Variants in DLG5 observed in about 807,000 individuals in gnomAD.
The protein encoded by DLG5 is disks large homolog 5.
DLG5 carries 48 observed loss-of-function variants against 189.8 expected under a neutral mutation model. The observed-to-expected ratio is 0.25, with a 90% CI of 0.20 to 0.32. The LOEUF is 0.32. Among genes scored for constraint, DLG5 ranks in the 10% least tolerant of loss-of-function variants. DLG5 has a pLI of 1.00. For synonymous variants in DLG5, 1,016 were observed against 1,054.1 expected, an observed-to-expected ratio of 0.96 and a Z score of 0.70; for missense variants, 2,160 against 2,544.7, an observed-to-expected ratio of 0.85 and a Z score of 3.25.
chr10:77,805,962 G>A, intron 26 of DLG5, 101 bp from the exon 27 acceptor site: 5 of 1,173,878 alleles, frequency 4.3e-6, no homozygotes, highest in Admixed American at 2.2e-5. Context: ...CCAGACACTG[G>A]GCTCCCCCCA....
chr10:77,931,473 C>G (rs1846786070), upstream of DLG5, among the ~76,000 whole-genome samples: 1 of 151,690 alleles, frequency 6.6e-6, no homozygotes, highest in African/African-American at 2.4e-5. Context: ...TAGGTTCAAA[C>G]TCCTGGCCTC....
rs532100985 is a variant in DLG5 at position 77,846,053 on chromosome 10, T to G, written c.865-2347A>C. On this transcript the variant is annotated intron_variant, in intron 5 of 31. Coordinates refer to ENST00000372391, the MANE Select transcript of DLG5 (RefSeq NM_004747.4). ...TGAGGTCAGGAGTTTGAGACCAGCC[T>G]GACCAACATGGTGAAACCTTGTCTC... Among the ~76,000 whole-genome samples, 26 of 151,518 alleles carry G rather than the reference T, an allele frequency of 1.7e-4. No individual in the cohort carries two copies. In the South Asian group the frequency reaches 4.6e-3, roughly 27 times the overall value.
At chr10:77,795,419 C>G (rs1840860989) in intron 29 of DLG5, among the ~76,000 whole-genome samples, 1 of 152,210 alleles carries the variant, frequency 6.6e-6, no homozygotes. Context: ...AGATGCTCCA[C>G]TGGGGCATTC....
At chr10:77,936,446 CAAA>C in the DLG5 span, among the ~76,000 whole-genome samples, 1 of 52,130 alleles carries the variant, frequency 1.9e-5, no homozygotes, top group Non-Finnish European at 3.3e-5. Flanking sequence ...CAAAACAAAA[CAAA>C]AAAAAAAAAA....
rs1844046697 is a variant in DLG5 at position 77,852,827 on chromosome 10, CCTGT to C, written c.864+523_864+526del. Among the ~76,000 whole-genome samples, 3 of 152,130 alleles carry C rather than the reference CCTGT, an allele frequency of 2.0e-5. No individual in the cohort carries two copies. The South Asian group carries it at 6.2e-4, about 32-fold the overall frequency. On this transcript the variant is annotated intron_variant, in intron 5 of 31. Coordinates refer to ENST00000372391, the MANE Select transcript of DLG5 (RefSeq NM_004747.4). ...ATGCGAACTCATGGCTTTCAATCTA[CCTGT>C]CTGATATAGAAATACAGATATACAT...
Position 77,894,347 on chromosome 10 carries a change from T to A in DLG5, c.305-25150A>T, listed in dbSNP as rs865776530. 3.3e-5 allele frequency among the ~76,000 whole-genome samples: 5 copies of A among 152,128 alleles called. No homozygotes were observed. The Middle Eastern group carries it at 0.014, about 414-fold the overall frequency. The stretch of plus-strand genomic sequence containing the variant: ...GCCCCTAAAACAGGGGTAAGCAAAG[T>A]ACCCACCTCCCAGGATTTTTGTGAG... On this transcript the variant is annotated intron_variant, in intron 1 of 31. Coordinates refer to ENST00000372391, the MANE Select transcript of DLG5 (RefSeq NM_004747.4).
intron 13 of DLG5, chr10:77,824,841 A>C: frequency 5.0e-6 from 1 of 200,974 alleles, no homozygotes; most frequent in Non-Finnish European, 9.9e-6. Context: ...AGATAAATAC[A>C]TGCATGTGGC....
At position 77,817,812 on chromosome 10, in the gene DLG5, T is replaced by A; in HGVS notation, c.3749A>T (p.His1250Leu). The stretch of plus-strand genomic sequence containing the variant: ...GCTGGAGGGCAGTGAGTTGGACCCA[T>A]GGGTGGCTCTCATCTCGGAGTAGTC... ...CSDYSEMRATHGSNSLPSSAR... is the reference protein window; with the variant it reads ...CSDYSEMRATLGSNSLPSSAR... The change falls in exon 18 of 32, where the codon CAT becomes CTT. Residue 1250 changes from histidine to leucine, a missense_variant. His to Leu is a moderately conservative substitution (Grantham distance 99). Around this residue, in one of 5 missense-constraint regions of DLG5, gnomAD observed 754 missense variants for 746.5 expected, o/e 1.01. Coordinates refer to ENST00000372391, the MANE Select transcript of DLG5 (RefSeq NM_004747.4). 1 of 1,555,644 alleles carries A rather than the reference T, an allele frequency of 6.4e-7. No individual in the cohort carries two copies. The highest frequency in any genetic ancestry group is 8.7e-7 in the Non-Finnish European group (1 of 1,148,954).
At chr10:77,845,065 A>G (rs1843619868) in intron 5 of DLG5, 1 of 152,252 alleles carries the variant, frequency 6.6e-6, no homozygotes, top group African/African-American at 2.4e-5. Context: ...GTGAGACAGG[A>G]AGCTGTGGAG....
intron 13 of DLG5, among the ~76,000 whole-genome samples, chr10:77,825,021 G>A (rs555683165): frequency 9.9e-5 from 15 of 152,258 alleles, no homozygotes; most frequent in African/African-American, 2.4e-4. Context: ...ATGTGCAACC[G>A]GTGAATGACC....
At chr10:77,863,933 G>A (rs554018559) in intron 2 of DLG5, among the ~76,000 whole-genome samples, 20 of 152,334 alleles carry the variant, frequency 1.3e-4, no homozygotes, top group African/African-American at 4.8e-4. Context: ...GCTGGAAGAG[G>A]AGAGAAGGAA....
chr10:77,843,485 G>A lies in DLG5; in HGVS notation c.1086C>T (p.Ala362=). The A allele has an allele frequency of 1.2e-6, 2 of 1,614,086 alleles. No individual in the cohort carries two copies. Among genetic ancestry groups the A allele is most frequent in the Non-Finnish European group, 1.7e-6 (2 of 1,180,042 alleles). ...TEMLTQQRDT[A]IQLQHQCALS... The stretch of plus-strand genomic sequence containing the variant: ...GGGCGCACTGGTGCTGCAGCTGGAT[G>A]GCCGTGTCCCTCTGCTGGGTCAGCA... Residue 362 remains alanine (A), a synonymous_variant, in exon 6 of 32, where the codon GCC becomes GCT. Coordinates refer to ENST00000372391, the MANE Select transcript of DLG5 (RefSeq NM_004747.4).
chr10:77,939,536 A>G, the DLG5 span, among the ~76,000 whole-genome samples: 1 of 152,146 alleles, frequency 6.6e-6, no homozygotes, highest in African/African-American at 2.4e-5. Context: ...TTGCGGTACC[A>G]CCATTCCACA....
In DLG5 at chr10:77,841,950, G is replaced by A. The variant is rs768865581; in HGVS notation, c.1368C>T (p.Ala456=). Residue 456 remains alanine (A), a synonymous_variant, in exon 7 of 32, where the codon GCC becomes GCT. Coordinates refer to ENST00000372391, the MANE Select transcript of DLG5 (RefSeq NM_004747.4). Reference sequence around the variant, plus strand: ...ATGTGCTGCTCTTGAGCTTGGACTCGGCCAGCTCCACTTCGGTCTGCAGCT... The same window carrying A: ...ATGTGCTGCTCTTGAGCTTGGACTCAGCCAGCTCCACTTCGGTCTGCAGCT... ...LDKLQTEVEL[A]ESKLKSSTSE... is the part of the protein sequence containing the mutation. 43 of 1,614,044 alleles carry A rather than the reference G, an allele frequency of 2.7e-5. No homozygotes were observed. The highest frequency in any genetic ancestry group is 2.5e-4 in the East Asian group (11 of 44,888).
chr10:77,902,743 C>T (rs1396712114), intron 1 of DLG5, among the ~76,000 whole-genome samples: 1 of 152,066 alleles, frequency 6.6e-6, no homozygotes, highest in Non-Finnish European at 1.5e-5. Context: ...GCTTGTAGTC[C>T]CAGCTACTCG....
At chr10:77,917,736 C>A (rs531747899) in intron 1 of DLG5, among the ~76,000 whole-genome samples, 1 of 152,272 alleles carries the variant, frequency 6.6e-6, no homozygotes, top group Non-Finnish European at 1.5e-5. Context: ...TGTACAAATA[C>A]TTAATGCTGG....
intron 2 of DLG5, among the ~76,000 whole-genome samples, chr10:77,865,098 C>T (rs1268100240): frequency 6.6e-6 from 1 of 152,114 alleles, no homozygotes; most frequent in Non-Finnish European, 1.5e-5. Context: ...ACTGCTTCTT[C>T]CCTTGAGTTA....
At chr10:77,885,253 T>C (rs1401266778) in intron 1 of DLG5, among the ~76,000 whole-genome samples, 2 of 152,166 alleles carry the variant, frequency 1.3e-5, no homozygotes, top group African/African-American at 4.8e-5. Flanking sequence ...AACAGGCCCA[T>C]GCTACTCTTT....
the DLG5 span, among the ~76,000 whole-genome samples, chr10:77,937,329 A>C: frequency 6.6e-6 from 1 of 151,920 alleles, no homozygotes; most frequent in Non-Finnish European, 1.5e-5. Flanking sequence ...TTTCCCTCCC[A>C]GAAGTCCTGA....
Sources: allele counts gnomAD v4.1 joint callset (sites outside exome capture counted in the v4.1 genomes callset), GRCh38; gene constraint gnomAD v4.1.1; regional missense constraint gnomAD v4.1.1; transcripts MANE v1.5; gene names NCBI Gene and HGNC (gene_info 2026-07-23, HGNC 2026-07-21).